Variants in KCNJ12 observed in about 807,000 individuals in gnomAD.
KCNJ12 encodes the protein ATP-sensitive inward rectifier potassium channel 12.
KCNJ12 carries 2 observed loss-of-function variants against 22.3 expected under a neutral mutation model. The observed-to-expected ratio is 0.09, with a 90% confidence interval of 0.04 to 0.28. KCNJ12 has a LOEUF of 0.28. Among genes scored for constraint, KCNJ12 ranks in the 10% least tolerant of loss-of-function variants. The pLI is 1.00. For missense variants in KCNJ12, 155 were observed against 633.3 expected (o/e 0.24, Z 8.11); for synonymous variants, 117 against 261.4 (o/e 0.45, Z 5.33).
At chr17:21,384,549 G>C (rs2144767204) in intron 1 of KCNJ12, among the ~76,000 whole-genome samples, 1 of 152,210 alleles carries the variant, frequency 6.6e-6, no homozygotes, top group Non-Finnish European at 1.5e-5. Context: ...GGGACCTCTG[G>C]GTGAACCTGG....
At chr17:21,378,196 G>C (rs1555557507) in intron 1 of KCNJ12, among the ~76,000 whole-genome samples, 1 of 152,226 alleles carries the variant, frequency 6.6e-6, no homozygotes, top group Non-Finnish European at 1.5e-5. Context: ...CCTCCCTCGC[G>C]CTGCGCTGCA....
chr17:21,380,093 C>T (rs1176482028), intron 1 of KCNJ12, among the ~76,000 whole-genome samples: 4 of 152,190 alleles, frequency 2.6e-5, no homozygotes, highest in Admixed American at 2.0e-4. Context: ...ATTTGACTGC[C>T]AGGCTAGCTT....
intron 1 of KCNJ12, among the ~76,000 whole-genome samples, chr17:21,386,502 A>T (rs902277513): frequency 1.3e-5 from 2 of 151,748 alleles, no homozygotes; most frequent in African/African-American, 2.4e-5. Flanking sequence ...TATTGTATTT[A>T]TTTTTTTTAA....
chr17:21,412,450 G>A lies in KCNJ12; in HGVS notation c.-56-2837G>A, dbSNP rs1190850393. On this transcript the variant is annotated intron_variant, in intron 2 of 2. Transcript: ENST00000583088. ...GTTCCTTGCAGGCTTTGAGCTGCTC[G>A]GAGCAGGGGCTGGAGCAGCCATGAC... Among the ~76,000 whole-genome samples, 37 of 152,338 alleles carry A rather than the reference G, an allele frequency of 2.4e-4. No individual in the cohort carries two copies. The East Asian group carries it at 6.3e-3, about 26-fold the overall frequency.
At chr17:21,390,586 G>A (rs889203963) in intron 1 of KCNJ12, among the ~76,000 whole-genome samples, 4 of 152,218 alleles carry the variant, frequency 2.6e-5, no homozygotes, top group Non-Finnish European at 4.4e-5. Context: ...GCAATTGCAG[G>A]GTCTGGAGGC....
chr17:21,407,754 TTCATC>T (rs1906052132), intron 1 of KCNJ12, among the ~76,000 whole-genome samples: 4 of 152,044 alleles, frequency 2.6e-5, no homozygotes, highest in African/African-American at 7.2e-5. Flanking sequence ...CATCCATCCA[TTCATC>T]CATCCATCCA....
At chr17:21,409,406 C>T (rs1432710223) in intron 2 of KCNJ12, among the ~76,000 whole-genome samples, 2 of 152,310 alleles carry the variant, frequency 1.3e-5, no homozygotes, top group African/African-American at 4.8e-5. Context: ...GAGGAAGGCC[C>T]AGGAGACAAA....
chr17:21,390,417 C>T (rs527244055), intron 1 of KCNJ12, among the ~76,000 whole-genome samples: 1 of 152,322 alleles, frequency 6.6e-6, no homozygotes, highest in Non-Finnish European at 1.5e-5. Context: ...GACCACTGAC[C>T]ATAGACTCCA....
At chr17:21,408,264 A>G (rs1906101919) in intron 1 of KCNJ12, among the ~76,000 whole-genome samples, 1 of 152,280 alleles carries the variant, frequency 6.6e-6, no homozygotes, top group Admixed American at 6.5e-5. Flanking sequence ...CTGGCATGCA[A>G]TAGGCACTCA....
At position 21,391,355 on chromosome 17, in the gene KCNJ12, C is replaced by T. The variant is rs570040060; in HGVS notation, c.-179+14442C>T. Among the ~76,000 whole-genome samples, 19 of 152,302 alleles carry T rather than the reference C, an allele frequency of 1.2e-4. No individual in the cohort carries two copies. The East Asian group carries it at 3.7e-3, about 29-fold the overall frequency. ...CCGCCAAACTCTGGAGGGGCTGTTA[C>T]CTTTGGAAGAGGCTCTGACTCCAGG... On this transcript the variant is annotated intron_variant, in intron 1 of 2. Coordinates refer to ENST00000583088, the MANE Select transcript of KCNJ12 (RefSeq NM_021012.5).
chr17:21,394,873 C>G (rs1905299917), intron 1 of KCNJ12, among the ~76,000 whole-genome samples: 1 of 152,192 alleles, frequency 6.6e-6, no homozygotes, highest in Non-Finnish European at 1.5e-5. Context: ...CTTTCCAGGC[C>G]CTGCTGGGGC....
intron 1 of KCNJ12, among the ~76,000 whole-genome samples, chr17:21,385,018 G>T (rs1337410181): frequency 6.6e-6 from 1 of 151,758 alleles, no homozygotes; most frequent in Non-Finnish European, 1.5e-5. Context: ...CTCGTGATCC[G>T]CCCGCCTCAG....
Position 21,376,668 on chromosome 17 carries a change from C to G in KCNJ12, c.-424C>G, listed in dbSNP as rs1169808883. ...GACCGAGGGACCGACGCCAGCCGCC[C>G]CGGCCCAAGCGAGCGCCCAGCGGCC... is the stretch of plus-strand genomic sequence containing the variant. On this transcript the variant is annotated 5_prime_UTR_variant, in exon 1 of 3. Coordinates refer to ENST00000583088, the MANE Select transcript of KCNJ12 (RefSeq NM_021012.5). This position sits in a 1 kb window ranked among gnomAD's most constrained non-coding sequence, Gnocchi z 5.3. 6.6e-6 allele frequency: 1 copy of G among 151,762 alleles called. No individual in the cohort carries two copies. The highest frequency in any genetic ancestry group is 1.5e-5 in the Non-Finnish European group (1 of 67,912). 9.4% of individuals were successfully genotyped at this position (151,762 alleles called of 1,614,324 possible).
At chr17:21,384,501 A>G (rs1266986911) in intron 1 of KCNJ12, among the ~76,000 whole-genome samples, 1 of 152,072 alleles carries the variant, frequency 6.6e-6, no homozygotes, top group East Asian at 1.9e-4. Flanking sequence ...CAGAGCTCAG[A>G]GGGTCTGGGG....
At chr17:21,401,654 G>A (rs1330090880) in intron 1 of KCNJ12, among the ~76,000 whole-genome samples, 5 of 152,256 alleles carry the variant, frequency 3.3e-5, no homozygotes, top group Non-Finnish European at 2.9e-5. Flanking sequence ...TGAAGCTGGA[G>A]TGGCCTTGGG....
At chr17:21,384,156 C>T (rs1904991941) in intron 1 of KCNJ12, among the ~76,000 whole-genome samples, 1 of 151,988 alleles carries the variant, frequency 6.6e-6, no homozygotes, top group Admixed American at 6.6e-5. Flanking sequence ...CGTATGGGAC[C>T]ATTGCATACA....
chr17:21,397,253 C>T (rs1054410039), intron 1 of KCNJ12, among the ~76,000 whole-genome samples: 2 of 152,196 alleles, frequency 1.3e-5, no homozygotes, highest in Non-Finnish European at 2.9e-5. Flanking sequence ...TTTCTCAGGG[C>T]GCAGTGAGGC....
intron 1 of KCNJ12, chr17:21,405,115 G>C (rs1370414041): frequency 6.6e-6 from 1 of 152,476 alleles, no homozygotes; most frequent in East Asian, 1.9e-4. Flanking sequence ...TTGCGGGCCA[G>C]GGGGGCTTCT....
intron 2 of KCNJ12, 138 bp downstream of exon 2, chr17:21,408,778 C>T (rs1906135889): frequency 6.6e-6 from 1 of 152,234 alleles, no homozygotes; most frequent in African/African-American, 2.4e-5. Flanking sequence ...TCTGCTCAGC[C>T]TTCCATCCAC....
Sources: allele counts gnomAD v4.1 joint callset (sites outside exome capture counted in the v4.1 genomes callset), GRCh38; gene constraint gnomAD v4.1.1; non-coding constraint Gnocchi (gnomAD v3.1); transcripts MANE v1.5; gene names NCBI Gene and HGNC (gene_info 2026-07-23, HGNC 2026-07-21).